The following GRIK4 variants were observed in gnomAD, a reference collection of about 807,000 sequenced individuals.
GRIK4 encodes the protein glutamate ionotropic receptor kainate type subunit 4, also known as glutamate receptor ionotropic, kainate 4.
In GRIK4, 40 loss-of-function variants were observed where a neutral mutation model predicts 104.9. That is an observed-to-expected ratio of 0.38 (90% CI 0.30 to 0.50). GRIK4 has a LOEUF of 0.50. GRIK4 is among the 20% of genes least tolerant of loss of function. GRIK4 has a pLI of 0.93. For synonymous variants in GRIK4, 485 were observed against 524.9 expected (o/e 0.92, Z 1.04); for missense variants, 1,047 against 1,308.1 (o/e 0.80, Z 3.08).
chr11:120,568,951 C>G (rs1948364232), intron 1 of GRIK4, among the ~76,000 whole-genome samples: 1 of 152,198 alleles, frequency 6.6e-6, no homozygotes, highest in African/African-American at 2.4e-5. Flanking sequence ...TTTTCAGGTA[C>G]TTTTATGTTA....
chr11:120,846,195 T>G (rs1475119012), intron 8 of GRIK4, among the ~76,000 whole-genome samples: 1 of 152,240 alleles, frequency 6.6e-6, no homozygotes, highest in African/African-American at 2.4e-5. Context: ...GCTGACAGCT[T>G]GAAGTTCCTT....
intron 1 of GRIK4, among the ~76,000 whole-genome samples, chr11:120,554,876 A>C (rs1645847505): frequency 6.6e-6 from 1 of 152,042 alleles, no homozygotes; most frequent in Admixed American, 6.6e-5. Flanking sequence ...GTCTCTTGAG[A>C]GTCAGTTGGA....
intron 1 of GRIK4, among the ~76,000 whole-genome samples, chr11:120,535,111 T>C (rs1485626076): frequency 6.6e-6 from 1 of 152,160 alleles, no homozygotes; most frequent in Admixed American, 6.5e-5. Flanking sequence ...CAATTTTAAG[T>C]TGCCAACGTG....
intron 3 of GRIK4, 85 bp from the exon 4 acceptor site, chr11:120,802,608 G>A: frequency 8.6e-7 from 1 of 1,158,866 alleles, no homozygotes; most frequent in Non-Finnish European, 1.3e-6. Flanking sequence ...GAAGAGGAAG[G>A]TGGCAGCAGG....
chr11:120,536,690 T>A (rs148581807), intron 1 of GRIK4, among the ~76,000 whole-genome samples: 15 of 152,254 alleles, frequency 9.9e-5, no homozygotes, highest in Middle Eastern at 3.4e-3. Context: ...AGGTGGATTA[T>A]CCAATTGATA....
chr11:120,862,186 A>G, intron 9 of GRIK4, 66 bp downstream of exon 9: 1 of 1,368,794 alleles, frequency 7.3e-7, no homozygotes, highest in Non-Finnish European at 1.0e-6. Context: ...CTGTGGGCCA[A>G]CCCCTGGGCA....
chr11:120,581,673 C>T (rs764785677), intron 1 of GRIK4, among the ~76,000 whole-genome samples: 3 of 152,032 alleles, frequency 2.0e-5, no homozygotes, highest in Non-Finnish European at 2.9e-5. Flanking sequence ...TGCCTTTTTG[C>T]GACGGGCTTA....
intron 6 of GRIK4, among the ~76,000 whole-genome samples, chr11:120,822,934 T>C (rs1953164360): frequency 6.6e-6 from 1 of 152,190 alleles, no homozygotes; most frequent in South Asian, 2.1e-4. Context: ...ATGTTCCCAC[T>C]TCAAGGAACA....
chr11:120,542,362 CAT>C (rs769966532), intron 1 of GRIK4, among the ~76,000 whole-genome samples: 5 of 152,116 alleles, frequency 3.3e-5, no homozygotes, highest in Non-Finnish European at 7.4e-5. Context: ...TAAAAGAAAA[CAT>C]AGGGAAAATG....
intron 1 of GRIK4, among the ~76,000 whole-genome samples, chr11:120,535,022 C>T (rs561910992): frequency 2.1e-4 from 32 of 152,302 alleles, no homozygotes; most frequent in Non-Finnish European, 4.0e-4. Flanking sequence ...GTAAGCTGGC[C>T]GGTATTCAAC....
intron 11 of GRIK4, among the ~76,000 whole-genome samples, chr11:120,888,070 C>A (rs1472676137): frequency 6.6e-6 from 1 of 152,160 alleles, no homozygotes; most frequent in African/African-American, 2.4e-5. Context: ...GCTTTATTTA[C>A]GTATCCTCTT....
intron 9 of GRIK4, chr11:120,873,482 A>G (rs1159454483): frequency 6.6e-6 from 1 of 152,240 alleles, no homozygotes; most frequent in African/African-American, 2.4e-5. Context: ...TCCCTTCCCC[A>G]TCCTGCTGTA....
At chr11:120,926,112 ATGG>A (rs1250110452) in intron 13 of GRIK4, among the ~76,000 whole-genome samples, 1 of 152,200 alleles carries the variant, frequency 6.6e-6, no homozygotes, top group East Asian at 1.9e-4. Flanking sequence ...GTCAGGTGTG[ATGG>A]TGGTGGTAGT....
intron 1 of GRIK4, among the ~76,000 whole-genome samples, chr11:120,599,611 C>T (rs1948854602): frequency 6.6e-6 from 1 of 152,206 alleles, no homozygotes; most frequent in South Asian, 2.1e-4. Flanking sequence ...CCCTAGCCTC[C>T]CTCTTGTGCT....
Position 120,675,531 on chromosome 11 carries a change from GCA to G in GRIK4, c.82+15134_82+15135del, listed in dbSNP as rs527675647. On this transcript the variant is annotated intron_variant, in intron 3 of 20. Coordinates refer to ENST00000527524, the MANE Select transcript of GRIK4 (RefSeq NM_014619.5). ...TGAGAGGACACAGGTGAAGTAGCATGCACAGTGTGTGGCATATAAGAAATATT... is the reference window on the plus strand; with the variant it reads ...TGAGAGGACACAGGTGAAGTAGCATGCAGTGTGTGGCATATAAGAAATATT... 1.7e-3 allele frequency among the ~76,000 whole-genome samples: 252 copies of G among 152,296 alleles called. 1 individual carries two copies. The Middle Eastern group carries it at 0.02, about 12-fold the overall frequency.
intron 4 of GRIK4, among the ~76,000 whole-genome samples, chr11:120,814,290 G>A (rs1952886990): frequency 6.6e-6 from 1 of 152,204 alleles, no homozygotes; most frequent in Non-Finnish European, 1.5e-5. Context: ...GCCCAAGGCA[G>A]TGTTAATTCC....
chr11:120,764,759 T>C (rs987832860), intron 3 of GRIK4, among the ~76,000 whole-genome samples: 2 of 152,198 alleles, frequency 1.3e-5, no homozygotes, highest in Non-Finnish European at 2.9e-5. Flanking sequence ...AAAATTCTTT[T>C]CTTTAAGAAT....
At chr11:120,830,990 C>T (rs980647658) in intron 6 of GRIK4, among the ~76,000 whole-genome samples, 21 of 151,890 alleles carry the variant, frequency 1.4e-4, no homozygotes, top group African/African-American at 5.1e-4. Flanking sequence ...TGGAACCCCT[C>T]CTCCCACCAG....
chr11:120,913,419 G>C (rs1943040512), intron 13 of GRIK4, among the ~76,000 whole-genome samples: 1 of 151,628 alleles, frequency 6.6e-6, no homozygotes, highest in African/African-American at 2.4e-5. Flanking sequence ...TGCTTGGTAG[G>C]GAGGCATTCT....
Sources: gnomAD v4.1 joint callset for allele counts (sites outside exome capture counted in the v4.1 genomes callset) on GRCh38, gnomAD v4.1.1 for gene constraint, MANE v1.5 for transcripts, NCBI Gene and HGNC (gene_info 2026-07-23, HGNC 2026-07-21) for gene names.